The following AVEN variants were observed in gnomAD, a reference collection of about 807,000 sequenced individuals.
The protein encoded by AVEN is apoptosis and caspase activation inhibitor, also known as cell death regulator Aven.
A neutral mutation model predicts 38.1 loss-of-function variants in AVEN; 41 were observed. That is an observed-to-expected ratio of 1.08 (90% CI 0.84 to 1.40). The LOEUF (loss-of-function observed/expected upper bound fraction) is 1.40, where lower values mean the gene tolerates loss of function less well. AVEN is among the 40% of genes most tolerant of loss of function. AVEN has a pLI of 0.00. For missense variants in AVEN, 605 were observed against 438.8 expected (o/e 1.38, Z -3.38); for synonymous variants, 206 against 171.8 (o/e 1.20, Z -1.56).
intron 5 of AVEN, among the ~76,000 whole-genome samples, chr15:34,055,943 G>A (rs1020031291): frequency 1.3e-5 from 2 of 152,130 alleles, no homozygotes; most frequent in African/African-American, 4.8e-5. Flanking sequence ...ACAAAATCCT[G>A]GTGACCTCAG....
At chr15:33,868,359 T>TAAAAC (rs1555502513) in intron 4 of AVEN, among the ~76,000 whole-genome samples, 1 of 150,874 alleles carries the variant, frequency 6.6e-6, no homozygotes, top group East Asian at 2.0e-4. Context: ...CTGTCTCTAC[T>TAAAAC]AAACAAACAA....
chr15:33,884,702 A>G (rs1021120991), intron 2 of AVEN, among the ~76,000 whole-genome samples: 3 of 152,204 alleles, frequency 2.0e-5, no homozygotes, highest in African/African-American at 7.2e-5. Context: ...TCAGTCAAGC[A>G]AAAGTACTTA....
intron 2 of AVEN, among the ~76,000 whole-genome samples, chr15:33,898,329 C>T (rs1448276522): frequency 6.6e-6 from 1 of 152,130 alleles, no homozygotes; most frequent in Non-Finnish European, 1.5e-5. Flanking sequence ...TATGCGTTTC[C>T]TAGGGCAGCC....
At chr15:34,062,191 G>A (rs1288145798) in intron 5 of AVEN, among the ~76,000 whole-genome samples, 1 of 152,184 alleles carries the variant, frequency 6.6e-6, no homozygotes, top group Non-Finnish European at 1.5e-5. Flanking sequence ...AAAAATAGGT[G>A]ATCAAACTTT....
intron 1 of AVEN, among the ~76,000 whole-genome samples, 195 bp from the exon 2 acceptor site, chr15:34,003,404 T>C (rs1233113555): frequency 1.3e-5 from 2 of 152,224 alleles, no homozygotes; most frequent in African/African-American, 2.4e-5. Context: ...CCAGTAATCA[T>C]TGAAAAGGAA....
At position 33,870,994 on chromosome 15, in the gene AVEN, G is replaced by C. The variant is rs766300982; in HGVS notation, c.553C>G (p.Arg185Gly). ...AFYVDSELLV[R>G]ALQELPLCLR... ...CAGAGAGGCAGCTCTTGAAGGGCTC[G>C]AACCAATAACTCACTATCCACATAA... The change falls in exon 4 of 6, where the codon CGA (arginine) becomes GGA (glycine). Residue 185 changes from arginine (R) to glycine (G), a missense_variant. Transcript: ENST00000306730. 6.2e-7 allele frequency: 1 copy of C among 1,608,936 alleles called. No individual in the cohort carries two copies. The highest frequency in any genetic ancestry group is 8.5e-7 in the Non-Finnish European group (1 of 1,177,048).
chr15:33,986,590 A>G (rs919349495), intron 2 of AVEN, among the ~76,000 whole-genome samples: 4 of 152,140 alleles, frequency 2.6e-5, no homozygotes, highest in Non-Finnish European at 4.4e-5. Context: ...TATTAAAGAC[A>G]ATATTTTCCT....
intron 1 of AVEN, among the ~76,000 whole-genome samples, chr15:34,025,483 T>C (rs1159675542): frequency 6.6e-6 from 1 of 152,148 alleles, no homozygotes; most frequent in African/African-American, 2.4e-5. Flanking sequence ...AAGACTCTCT[T>C]AAGTGTCCCT....
chr15:34,058,813 T>C (rs937840510), intron 5 of AVEN, among the ~76,000 whole-genome samples: 1 of 152,250 alleles, frequency 6.6e-6, no homozygotes, highest in Non-Finnish European at 1.5e-5. Context: ...TACAATTGTT[T>C]TAATTTTGTT....
At chr15:34,035,651 T>C (rs767906584) in intron 1 of AVEN, among the ~76,000 whole-genome samples, 6 of 152,190 alleles carry the variant, frequency 3.9e-5, no homozygotes, top group Non-Finnish European at 7.3e-5. Flanking sequence ...TTACTGTTAT[T>C]ACTAGAGGAA....
chr15:33,948,056 T>C (rs1285104315), intron 2 of AVEN, among the ~76,000 whole-genome samples: 3 of 152,050 alleles, frequency 2.0e-5, no homozygotes, highest in Admixed American at 6.5e-5. Context: ...TCTGAAAACA[T>C]CCAACATATT....
At chr15:33,904,694 A>AAAAAATAT (rs1464894437) in intron 2 of AVEN, among the ~76,000 whole-genome samples, 8 of 112,744 alleles carry the variant, frequency 7.1e-5, no homozygotes, top group African/African-American at 2.0e-4. Context: ...AAAAAAAAAA[A>AAAAAATAT]ATATATATAT....
the AVEN span, chr15:33,853,527 G>A: frequency 6.2e-7 from 1 of 1,610,682 alleles, no homozygotes. Context: ...CGTGTGGCCT[G>A]AGCTCACCCT....
At position 34,055,004 on chromosome 15, in the gene AVEN, C is replaced by G. The variant is rs1158083851; in HGVS notation, n.1637+7918G>C. On this transcript the variant is annotated intron_variant and non_coding_transcript_variant, in intron 5 of 11. Transcript: ENST00000675287. ...AGTCAGGAGTTCGAGACCAGCCTGA[C>G]CAACATGGAGAAACCCCATCTCTAC... is the stretch of plus-strand genomic sequence containing the variant. 3.3e-5 allele frequency among the ~76,000 whole-genome samples: 5 copies of G among 152,126 alleles called. No homozygotes were observed. The East Asian group carries it at 9.7e-4, about 29-fold the overall frequency.
At chr15:33,876,940 C>G (rs1021612060) in intron 2 of AVEN, among the ~76,000 whole-genome samples, 2 of 152,134 alleles carry the variant, frequency 1.3e-5, no homozygotes, top group Non-Finnish European at 2.9e-5. Context: ...CTCCTTCCCA[C>G]ATGACTTTTT....
intron 2 of AVEN, among the ~76,000 whole-genome samples, chr15:33,889,060 C>A (rs554421275): frequency 6.6e-6 from 1 of 152,072 alleles, no homozygotes. Flanking sequence ...GTGAGATGTA[C>A]GTCTTACAGA....
At chr15:33,962,521 T>C (rs557001680) in intron 2 of AVEN, among the ~76,000 whole-genome samples, 1 of 152,306 alleles carries the variant, frequency 6.6e-6, no homozygotes, top group South Asian at 2.1e-4. Context: ...ATCTGTCCCT[T>C]TCTTTCCATC....
At chr15:34,055,724 C>T (rs897057976) in intron 5 of AVEN, among the ~76,000 whole-genome samples, 1 of 151,944 alleles carries the variant, frequency 6.6e-6, no homozygotes, top group African/African-American at 2.4e-5. Flanking sequence ...TGGTGTGAAC[C>T]CGGGAGGTGG....
intron 2 of AVEN, among the ~76,000 whole-genome samples, chr15:33,901,389 C>T (rs185709571): frequency 6.6e-6 from 1 of 152,350 alleles, no homozygotes; most frequent in Admixed American, 6.5e-5. Flanking sequence ...CACACGCACA[C>T]ACGTTTTATC....
Sources: gnomAD v4.1 joint callset for allele counts (sites outside exome capture counted in the v4.1 genomes callset) on GRCh38, gnomAD v4.1.1 for gene constraint, MANE v1.5 for transcripts, NCBI Gene and HGNC (gene_info 2026-07-23, HGNC 2026-07-21) for gene names.